Variants in ARL15 observed in about 807,000 individuals in gnomAD.
ARL15 encodes ARF like GTPase 15.
Under a neutral mutation model 25.2 loss-of-function variants are expected in ARL15, and 19 were observed. The ratio of observed to expected loss-of-function variants is 0.75; its 90% CI spans 0.53 to 1.10. The LOEUF is 1.10. ARL15 is among the 50% of genes least tolerant of loss of function. The pLI, the probability that ARL15 is intolerant of heterozygous loss-of-function variation, is 0.00. For synonymous variants in ARL15, 94 were observed against 86.8 expected (o/e 1.08, Z -0.46); for missense variants, 220 against 246.0 (o/e 0.89, Z 0.71).
chr5:53,963,876 A>G (rs1036370403), intron 4 of ARL15, among the ~76,000 whole-genome samples: 1 of 151,766 alleles, frequency 6.6e-6, no homozygotes, highest in Non-Finnish European at 1.5e-5. Context: ...AATATTTTAC[A>G]TTCTTTGATA....
intron 4 of ARL15, among the ~76,000 whole-genome samples, chr5:54,019,732 A>G (rs1749535019): frequency 6.6e-6 from 1 of 152,224 alleles, no homozygotes; most frequent in African/African-American, 2.4e-5. Flanking sequence ...TTATACAAAC[A>G]TACACTTGAT....
intron 4 of ARL15, among the ~76,000 whole-genome samples, chr5:53,901,964 T>C (rs1745081346): frequency 6.6e-6 from 1 of 152,196 alleles, no homozygotes; most frequent in Non-Finnish European, 1.5e-5. Context: ...TTCTGCAAAA[T>C]AGCATGAGAG....
At chr5:54,018,533 T>C (rs1053688509) in intron 4 of ARL15, among the ~76,000 whole-genome samples, 27 of 152,224 alleles carry the variant, frequency 1.8e-4, no homozygotes, top group African/African-American at 6.5e-4. Flanking sequence ...TGCATCTCCA[T>C]GAAGTTTCCT....
intron 1 of ARL15, among the ~76,000 whole-genome samples, chr5:54,285,913 C>G (rs35931): frequency 0.28 from 42,234 of 151,968 alleles, 7,101 homozygotes; most frequent in African/African-American, 0.48. Context: ...CCGCGTGGGT[C>G]GAATCCTTTC....
chr5:53,986,684 A>G (rs1748309968), intron 4 of ARL15, among the ~76,000 whole-genome samples: 1 of 152,242 alleles, frequency 6.6e-6, no homozygotes, highest in African/African-American at 2.4e-5. Context: ...GTAATGGGAC[A>G]GCTTCACAGA....
At chr5:53,911,543 C>CT (rs1394227629) in intron 4 of ARL15, among the ~76,000 whole-genome samples, 1 of 152,018 alleles carries the variant, frequency 6.6e-6, no homozygotes, top group Admixed American at 6.6e-5. Flanking sequence ...TACCTTTAAC[C>CT]TTTTTTTCAA....
intron 2 of ARL15, among the ~76,000 whole-genome samples, chr5:54,170,727 C>T (rs1479088768): frequency 6.6e-6 from 1 of 152,146 alleles, no homozygotes; most frequent in Non-Finnish European, 1.5e-5. Flanking sequence ...TCCCCAGGTC[C>T]AGGCAACACT....
At chr5:53,909,670 C>G (rs1182457960) in intron 4 of ARL15, among the ~76,000 whole-genome samples, 1 of 152,186 alleles carries the variant, frequency 6.6e-6, no homozygotes, top group South Asian at 2.1e-4. Context: ...CACGCCATTG[C>G]AGTCCAGCCT....
At chr5:54,170,949 GCT>G (rs1459970245) in intron 2 of ARL15, among the ~76,000 whole-genome samples, 2 of 152,056 alleles carry the variant, frequency 1.3e-5, no homozygotes, top group Non-Finnish European at 2.9e-5. Context: ...TTCCTTCTCA[GCT>G]CTCTCTGCAC....
intron 3 of ARL15, among the ~76,000 whole-genome samples, chr5:54,130,836 T>C (rs750485838): frequency 1.3e-5 from 2 of 152,172 alleles, no homozygotes; most frequent in African/African-American, 2.4e-5. Flanking sequence ...GAAACTTAAA[T>C]GAATGGCACT....
intron 4 of ARL15, among the ~76,000 whole-genome samples, chr5:54,047,613 T>G (rs989101791): frequency 6.6e-6 from 1 of 152,174 alleles, no homozygotes; most frequent in African/African-American, 2.4e-5. Flanking sequence ...TGGAGGGAGT[T>G]GCAGACTAAA....
intron 3 of ARL15, among the ~76,000 whole-genome samples, chr5:54,124,279 G>C (rs1186387944): frequency 5.9e-5 from 9 of 152,082 alleles, no homozygotes; most frequent in Admixed American, 5.9e-4. Flanking sequence ...TCTTATTCTA[G>C]ACAGGTCGAA....
At chr5:53,949,764 C>T (rs964282755) in intron 4 of ARL15, among the ~76,000 whole-genome samples, 3 of 152,192 alleles carry the variant, frequency 2.0e-5, no homozygotes, top group South Asian at 2.1e-4. Flanking sequence ...CTATCATAAT[C>T]GCTCAGAACA....
chr5:54,159,700 T>C (rs1384085122), intron 2 of ARL15, among the ~76,000 whole-genome samples: 1 of 152,194 alleles, frequency 6.6e-6, no homozygotes, highest in Non-Finnish European at 1.5e-5. Context: ...CTAAGCTACA[T>C]TAGTAAGACT....
intron 4 of ARL15, among the ~76,000 whole-genome samples, chr5:53,895,872 CT>C (rs1252998716): frequency 6.6e-6 from 1 of 152,082 alleles, no homozygotes; most frequent in East Asian, 1.9e-4. Context: ...GGTTGAGAAT[CT>C]TAGAATTTTT....
At chr5:54,296,585 A>ACTGTGCCACAATGTGCT (rs2112701563) in intron 1 of ARL15, among the ~76,000 whole-genome samples, 1 of 152,378 alleles carries the variant, frequency 6.6e-6, no homozygotes, top group Admixed American at 6.5e-5. Context: ...CCAGCCCTGC[A>ACTGTGCCACAATGTGCT]CTGTGCCACA....
intron 2 of ARL15, among the ~76,000 whole-genome samples, chr5:54,157,905 A>C (rs538185485): frequency 6.6e-6 from 1 of 152,314 alleles, no homozygotes; most frequent in African/African-American, 2.4e-5. Context: ...TAGACTGATT[A>C]GTCCAGAAAA....
intron 1 of ARL15, among the ~76,000 whole-genome samples, chr5:54,221,908 C>T (rs928182917): frequency 2.0e-4 from 30 of 151,984 alleles, no homozygotes; most frequent in Non-Finnish European, 3.4e-4. Context: ...ACAGTGTGTG[C>T]GCACACATAC....
intron 1 of ARL15, among the ~76,000 whole-genome samples, chr5:54,306,730 C>G (rs1162021065): frequency 6.6e-6 from 1 of 152,142 alleles, no homozygotes; most frequent in Non-Finnish European, 1.5e-5. Flanking sequence ...AAGCAACGTA[C>G]TGTTTACAAA....
Sources: allele counts gnomAD v4.1 joint callset (sites outside exome capture counted in the v4.1 genomes callset), GRCh38; gene constraint gnomAD v4.1.1; transcripts MANE v1.5; gene names NCBI Gene and HGNC (gene_info 2026-07-23, HGNC 2026-07-21).